SGCZ: variants seen among roughly 807,000 people sequenced by gnomAD.
The protein encoded by SGCZ is zeta-sarcoglycan.
Under a neutral mutation model 41.3 loss-of-function variants are expected in SGCZ, and 40 were observed. The observed-to-expected ratio is 0.97, with a 90% CI of 0.75 to 1.26. SGCZ has a LOEUF of 1.26. SGCZ is among the 50% of genes most tolerant of loss of function. SGCZ has a pLI of 0.00. For missense variants in SGCZ, 552 were observed against 369.8 expected (o/e 1.49, Z -4.04); for synonymous variants, 206 against 137.5 (o/e 1.50, Z -3.49).
At chr8:14,449,801 G>C (rs1445272339) in intron 2 of SGCZ, among the ~76,000 whole-genome samples, 3 of 152,044 alleles carry the variant, frequency 2.0e-5, no homozygotes, top group African/African-American at 7.2e-5. Flanking sequence ...TTTGGCTTTG[G>C]GAACAAAGTA....
chr8:14,705,446 G>A (rs1256242884), intron 1 of SGCZ, among the ~76,000 whole-genome samples: 1 of 151,876 alleles, frequency 6.6e-6, no homozygotes, highest in East Asian at 1.9e-4. Context: ...TATAAAATGT[G>A]TCTTGAGTAG....
chr8:14,300,622 G>T (rs1231162303), intron 3 of SGCZ, among the ~76,000 whole-genome samples: 1 of 151,956 alleles, frequency 6.6e-6, no homozygotes, highest in Non-Finnish European at 1.5e-5. Flanking sequence ...ACTTGGGAGT[G>T]CCTCACAATA....
At chr8:14,919,936 T>C (rs559979320) in intron 1 of SGCZ, among the ~76,000 whole-genome samples, 1 of 152,164 alleles carries the variant, frequency 6.6e-6, no homozygotes, top group African/African-American at 2.4e-5. Flanking sequence ...TGTTTTGTTT[T>C]GTTTTAAAGA....
At chr8:14,739,113 T>C (rs1028205764) in intron 1 of SGCZ, among the ~76,000 whole-genome samples, 7 of 152,082 alleles carry the variant, frequency 4.6e-5, no homozygotes, top group Admixed American at 1.3e-4. Flanking sequence ...CTACTGTGTA[T>C]GTGTGTCTGT....
chr8:14,409,946 G>C (rs538172637), intron 2 of SGCZ, among the ~76,000 whole-genome samples: 46 of 152,132 alleles, frequency 3.0e-4, no homozygotes, highest in African/African-American at 1.1e-3. Context: ...TAAAATCAAT[G>C]AGTTTATTAG....
At chr8:14,325,828 G>C (rs1176454161) in intron 2 of SGCZ, among the ~76,000 whole-genome samples, 1 of 143,770 alleles carries the variant, frequency 7.0e-6, no homozygotes, top group Non-Finnish European at 1.5e-5. Flanking sequence ...ATGAGGACGT[G>C]GGCCCGGCGC....
At chr8:14,410,610 G>T (rs965722912) in intron 2 of SGCZ, among the ~76,000 whole-genome samples, 1 of 151,782 alleles carries the variant, frequency 6.6e-6, no homozygotes, top group Non-Finnish European at 1.5e-5. Context: ...GGCCTGTCGT[G>T]GGGTGGTGGA....
chr8:14,915,315 G>C (rs192123380), intron 1 of SGCZ, among the ~76,000 whole-genome samples: 13 of 152,242 alleles, frequency 8.5e-5, no homozygotes, highest in Admixed American at 7.2e-4. Context: ...ATAAAACCTA[G>C]TCATATTGAT....
chr8:14,429,276 G>C (rs911987671), intron 2 of SGCZ, among the ~76,000 whole-genome samples: 1 of 152,210 alleles, frequency 6.6e-6, no homozygotes, highest in African/African-American at 2.4e-5. Context: ...ATGTGAGGCT[G>C]GGGTTTGAGG....
At chr8:14,578,765 G>C (rs371327745) in intron 1 of SGCZ, among the ~76,000 whole-genome samples, 5 of 152,238 alleles carry the variant, frequency 3.3e-5, no homozygotes, top group African/African-American at 9.6e-5. Context: ...AGTCCATAAA[G>C]AAAAATCCTG....
At chr8:15,001,311 C>G (rs943064112) in intron 1 of SGCZ, among the ~76,000 whole-genome samples, 1 of 152,174 alleles carries the variant, frequency 6.6e-6, no homozygotes, top group Non-Finnish European at 1.5e-5. Context: ...CATCTTTCTG[C>G]GGCTGTTGGA....
chr8:15,133,940 G>A (rs1044787732), intron 1 of SGCZ, among the ~76,000 whole-genome samples: 2 of 152,028 alleles, frequency 1.3e-5, no homozygotes, highest in African/African-American at 4.8e-5. Flanking sequence ...CTATTTCAAT[G>A]TTCTGTTTTT....
intron 1 of SGCZ, among the ~76,000 whole-genome samples, chr8:14,700,708 T>C (rs929099260): frequency 1.3e-5 from 2 of 152,062 alleles, no homozygotes; most frequent in Non-Finnish European, 2.9e-5. Context: ...TTCAAGCAAC[T>C]ACAAAATACA....
chr8:14,883,961 C>T (rs1019867811), intron 1 of SGCZ, among the ~76,000 whole-genome samples: 3 of 151,874 alleles, frequency 2.0e-5, no homozygotes, highest in African/African-American at 7.3e-5. Flanking sequence ...AGGAGTATCT[C>T]CTTACTTATC....
At chr8:14,527,063 C>T (rs1372178079) in intron 2 of SGCZ, among the ~76,000 whole-genome samples, 7 of 151,840 alleles carry the variant, frequency 4.6e-5, no homozygotes, top group African/African-American at 9.7e-5. Context: ...AAAAAGATCC[C>T]AGCCCTCACT....
At position 14,086,331 on chromosome 8, in the gene SGCZ, C is replaced by T. The variant is rs1387880390; in HGVS notation, c.*4112G>A. Among the ~76,000 whole-genome samples the T allele has an allele frequency of 6.6e-6, 1 of 151,684 alleles. No homozygotes were observed. The highest frequency in any genetic ancestry group is 1.5e-5 in the Non-Finnish European group (1 of 67,742). ...ATATAACACTCATATGCATTAGACG[C>T]TCTCCAGGCTATTGCTGCCTCATAC... On this transcript the variant is annotated 3_prime_UTR_variant, in exon 8 of 8. Coordinates refer to ENST00000382080, the MANE Select transcript of SGCZ (RefSeq NM_139167.4).
At chr8:14,321,183 G>A (rs1801905340) in intron 3 of SGCZ, among the ~76,000 whole-genome samples, 1 of 152,018 alleles carries the variant, frequency 6.6e-6, no homozygotes, top group Non-Finnish European at 1.5e-5. Context: ...CTTCACAAAT[G>A]TTCTATGAGT....
intron 1 of SGCZ, among the ~76,000 whole-genome samples, chr8:15,180,019 T>G (rs1395087945): frequency 6.6e-6 from 1 of 152,162 alleles, no homozygotes. Context: ...ATATGCACAT[T>G]TTTACTATGT....
At chr8:14,878,189 T>C (rs1804439137) in intron 1 of SGCZ, among the ~76,000 whole-genome samples, 1 of 151,444 alleles carries the variant, frequency 6.6e-6, no homozygotes, top group Admixed American at 6.6e-5. Flanking sequence ...CTTCTTTTTT[T>C]CTTTTTTTCT....
Sources: allele counts gnomAD v4.1 joint callset (sites outside exome capture counted in the v4.1 genomes callset), GRCh38; gene constraint gnomAD v4.1.1; transcripts MANE v1.5; gene names NCBI Gene and HGNC (gene_info 2026-07-23, HGNC 2026-07-21).